Variants in PATJ observed in about 807,000 individuals in gnomAD.
PATJ encodes the protein inaD-like protein.
In PATJ, 190 loss-of-function variants were observed where a neutral mutation model predicts 224.9. That is an observed-to-expected ratio of 0.84 (90% CI 0.75 to 0.95). The LOEUF is 0.95. PATJ is among the 40% of genes least tolerant of loss of function. The pLI is 0.00. For synonymous variants in PATJ, 769 were observed against 820.3 expected (o/e 0.94, Z 1.07); for missense variants, 2,121 against 2,270.3 (o/e 0.93, Z 1.34).
At chr1:61,905,841 G>A (rs758994024) in intron 24 of PATJ, among the ~76,000 whole-genome samples, 2 of 151,896 alleles carry the variant, frequency 1.3e-5, no homozygotes, top group East Asian at 1.9e-4. Flanking sequence ...TTCTCCAGTC[G>A]ACACCGACTG....
intron 4 of PATJ, 134 bp from the exon 5 acceptor site, chr1:61,769,145 ATAAT>A: frequency 2.7e-6 from 2 of 754,714 alleles, no homozygotes. Flanking sequence ...ATTTCCAGAA[ATAAT>A]TTATTACTGA....
At chr1:61,985,602 A>C (rs770030284) in intron 27 of PATJ, among the ~76,000 whole-genome samples, 18 of 152,092 alleles carry the variant, frequency 1.2e-4, no homozygotes, top group Non-Finnish European at 1.9e-4. Flanking sequence ...TGACTAGCAC[A>C]CAATTGTAAA....
chr1:62,000,443 C>T (rs189067298), intron 28 of PATJ, among the ~76,000 whole-genome samples: 15,497 of 146,782 alleles, frequency 0.11, 1,651 homozygotes, highest in East Asian at 0.41. Flanking sequence ...TGAGAATATG[C>T]AGTGTTTGGT....
chr1:61,921,089 T>A (rs1352539919), intron 26 of PATJ, among the ~76,000 whole-genome samples: 1 of 152,164 alleles, frequency 6.6e-6, no homozygotes, highest in African/African-American at 2.4e-5. Context: ...AAATATATCT[T>A]CTGTGATCAA....
chr1:61,838,727 T>C lies in PATJ; in HGVS notation c.2112+4942T>C, dbSNP rs529648881. Among the ~76,000 whole-genome samples, 3 of 152,222 alleles carry C rather than the reference T, an allele frequency of 2.0e-5. No individual in the cohort carries two copies. In the East Asian group the frequency reaches 5.8e-4, roughly 29 times the overall value. Reference sequence around the variant, plus strand: ...CTTCAGAAACTTGGTTATAAGTTTTTATACTGTAATTTCTTGCCAGTTTGT... The same window carrying C: ...CTTCAGAAACTTGGTTATAAGTTTTCATACTGTAATTTCTTGCCAGTTTGT... On this transcript the variant is annotated intron_variant, in intron 17 of 43. Transcript: ENST00000642238.
At chr1:61,818,667 T>C (rs956584139) in intron 14 of PATJ, among the ~76,000 whole-genome samples, 3 of 152,236 alleles carry the variant, frequency 2.0e-5, no homozygotes. Flanking sequence ...TGTTTCTGGT[T>C]TATTTGTTCA....
intron 27 of PATJ, among the ~76,000 whole-genome samples, chr1:61,944,698 A>G (rs1266442454): frequency 6.6e-6 from 1 of 152,236 alleles, no homozygotes; most frequent in Admixed American, 6.5e-5. Flanking sequence ...GAGGCAGGCC[A>G]ACATTCAAAT....
chr1:61,793,657 A>G (rs1478597107), intron 9 of PATJ, among the ~76,000 whole-genome samples: 1 of 149,938 alleles, frequency 6.7e-6, no homozygotes, highest in Non-Finnish European at 1.5e-5. Context: ...CAGAGGCTGC[A>G]GTGAGCCGTG....
At chr1:61,989,785 T>A (rs1315245869) in intron 27 of PATJ, among the ~76,000 whole-genome samples, 1 of 152,186 alleles carries the variant, frequency 6.6e-6, no homozygotes, top group Non-Finnish European at 1.5e-5. Context: ...GTCTTATGGG[T>A]GAGTTAAACT....
intron 27 of PATJ, among the ~76,000 whole-genome samples, chr1:61,965,056 G>A (rs1028636308): frequency 7.2e-6 from 1 of 137,948 alleles, no homozygotes; most frequent in Non-Finnish European, 1.6e-5. Flanking sequence ...AGGCTGCAGT[G>A]ACGTGAGCTG....
chr1:61,951,205 A>G (rs1679617365), intron 27 of PATJ, among the ~76,000 whole-genome samples: 1 of 151,676 alleles, frequency 6.6e-6, no homozygotes, highest in Admixed American at 6.6e-5. Flanking sequence ...AAAAAAAGTT[A>G]TTTAGTAGAA....
chr1:61,795,879 T>C (rs933920611), intron 10 of PATJ, among the ~76,000 whole-genome samples: 2 of 152,180 alleles, frequency 1.3e-5, no homozygotes, highest in Admixed American at 1.3e-4. Flanking sequence ...ACTCACCCAT[T>C]TTATCTATAA....
chr1:62,010,093 A>G (rs79610789), intron 28 of PATJ, among the ~76,000 whole-genome samples: 11,130 of 147,564 alleles, frequency 0.075, 1,071 homozygotes, highest in African/African-American at 0.22. Context: ...AAAAAAAAAA[A>G]AAAGAAAGAA....
At chr1:61,861,455 G>A (rs1033435230) in intron 18 of PATJ, 96 bp from the exon 19 acceptor site, 34 of 607,232 alleles carry the variant, frequency 5.6e-5, no homozygotes, top group South Asian at 5.3e-4. Context: ...TTTAAGCCCC[G>A]TGTGCATTAG....
chr1:62,116,514 G>A lies in PATJ; in HGVS notation c.4656-18G>A, dbSNP rs770056254. On this transcript the variant is annotated intron_variant, in intron 35 of 43. Transcript: ENST00000642238. The stretch of plus-strand genomic sequence containing the variant: ...TATTAGGTTGTGCCAATACTGCACT[G>A]CTGTATGGTATTAACAGAAATGGAA... 1.9e-6 allele frequency: 3 copies of A among 1,613,426 alleles called. No homozygotes were observed. Among genetic ancestry groups the A allele is most frequent in the East Asian group, 2.2e-5 (1 of 44,886 alleles).
chr1:61,883,526 G>A (rs1422955851), intron 21 of PATJ, among the ~76,000 whole-genome samples: 3 of 152,062 alleles, frequency 2.0e-5, no homozygotes, highest in African/African-American at 7.2e-5. Context: ...GAGGCAGGTG[G>A]ATCACCTGAG....
intron 7 of PATJ, among the ~76,000 whole-genome samples, chr1:61,783,423 C>CT (rs79615768): frequency 0.18 from 21,915 of 119,186 alleles, 2,180 homozygotes; most frequent in East Asian, 0.46. Context: ...CTTTTCTTTT[C>CT]TTTTTTTTTT....
At chr1:62,121,365 A>G in intron 38 of PATJ, 70 bp downstream of exon 38, 1 of 937,554 alleles carries the variant, frequency 1.1e-6, no homozygotes, top group East Asian at 2.6e-5. Flanking sequence ...TGTGTTTTTT[A>G]AAAACCAGTC....
intron 27 of PATJ, among the ~76,000 whole-genome samples, chr1:61,952,796 T>C (rs1314922650): frequency 6.6e-6 from 1 of 152,182 alleles, no homozygotes; most frequent in African/African-American, 2.4e-5. Flanking sequence ...TTGTTGTTAC[T>C]TGTGACTTCA....
Sources: allele counts gnomAD v4.1 joint callset (sites outside exome capture counted in the v4.1 genomes callset), GRCh38; gene constraint gnomAD v4.1.1; transcripts MANE v1.5; gene names NCBI Gene and HGNC (gene_info 2026-07-23, HGNC 2026-07-21).